Variants in ZNF69 observed in about 807,000 individuals in gnomAD.
ZNF69 encodes ZNF3.
In ZNF69, 47 loss-of-function variants were observed where a neutral mutation model predicts 50.9. The ratio of observed to expected loss-of-function variants is 0.92; its 90% CI spans 0.73 to 1.18. The LOEUF (loss-of-function observed/expected upper bound fraction) is 1.18, where lower values mean the gene tolerates loss of function less well. Among genes scored for constraint, ZNF69 ranks in the 50% most tolerant of loss-of-function variants. The probability of loss-of-function intolerance (pLI) is 0.00; values close to 1 mark genes in which losing one functional copy is unlikely to be tolerated. For missense variants in ZNF69, 717 were observed against 675.1 expected, an observed-to-expected ratio of 1.06 and a Z score of -0.69; for synonymous variants, 216 against 223.1, an observed-to-expected ratio of 0.97 and a Z score of 0.29.
the ZNF69 span, among the ~76,000 whole-genome samples, chr19:11,936,826 A>G: frequency 2.6e-4 from 39 of 152,302 alleles, 1 homozygote; most frequent in African/African-American, 8.7e-4. Flanking sequence ...TTTTAGGTCT[A>G]ACGTTTAAGT....
chr19:11,978,010 C>A, the ZNF69 span: 1 of 1,376,180 alleles, frequency 7.3e-7, no homozygotes, highest in Non-Finnish European at 9.9e-7. Flanking sequence ...TCAGCCAGGG[C>A]AGAAAGCCTA....
chr19:11,965,907 C>T, the ZNF69 span, among the ~76,000 whole-genome samples: 21 of 151,852 alleles, frequency 1.4e-4, no homozygotes, highest in Admixed American at 2.6e-4. Context: ...GCAGAAAGGG[C>T]GGGACCTGTG....
chr19:11,907,850 A>G (rs1407693149), downstream of ZNF69, among the ~76,000 whole-genome samples: 2 of 152,214 alleles, frequency 1.3e-5, no homozygotes, highest in Non-Finnish European at 2.9e-5. Flanking sequence ...AATGGGCTAA[A>G]TGCTCCAATT....
intron 1 of ZNF69, among the ~76,000 whole-genome samples, chr19:11,893,725 A>AG (rs879631456): frequency 2.6e-5 from 4 of 152,130 alleles, no homozygotes; most frequent in Non-Finnish European, 5.9e-5. Context: ...TTAGTGCCTT[A>AG]GGGGAGTGGG....
At chr19:11,942,847 T>C in the ZNF69 span, among the ~76,000 whole-genome samples, 22 of 152,206 alleles carry the variant, frequency 1.4e-4, no homozygotes, top group Non-Finnish European at 1.5e-4. Flanking sequence ...TTCCTTTAAC[T>C]TTTGCTTCCT....
chr19:11,897,845 C>G, intron 1 of ZNF69, among the ~76,000 whole-genome samples: 1 of 144,980 alleles, frequency 6.9e-6, no homozygotes, highest in East Asian at 2.0e-4. Context: ...GCACTCCAGC[C>G]TGGGTGAGAG....
chr19:11,926,418 G>C, the ZNF69 span, among the ~76,000 whole-genome samples: 6 of 152,110 alleles, frequency 3.9e-5, no homozygotes, highest in Non-Finnish European at 5.9e-5. Context: ...TTGAGACGGA[G>C]TCTCCTGTCG....
At chr19:11,889,309 ATG>A (rs914346267) in intron 1 of ZNF69, among the ~76,000 whole-genome samples, 92 of 152,252 alleles carry the variant, frequency 6.0e-4, no homozygotes, top group African/African-American at 2.1e-3. Flanking sequence ...TTTTACATGA[ATG>A]TGCGTCAGTT....
chr19:11,947,066 G>C, the ZNF69 span: 1 of 1,466,870 alleles, frequency 6.8e-7, no homozygotes, highest in Non-Finnish European at 9.1e-7. Flanking sequence ...GATAACCGAA[G>C]CAGGGAATAA....
In ZNF69 at chr19:11,903,948, C is replaced by T. The variant is rs776359636; in HGVS notation, c.234C>T (p.Asn78=). The T allele has an allele frequency of 6.2e-7, 1 of 1,613,806 alleles. No individual in the cohort carries two copies. Among genetic ancestry groups the T allele is most frequent in the Non-Finnish European group, 8.5e-7 (1 of 1,179,830 alleles). ...KDQNIEYEYQ[N]PRRNFRSLIE... is the part of the protein sequence containing the mutation. Reference sequence around the variant, plus strand: ...AGAACATTGAATATGAGTACCAAAACCCCAGGAGAAACTTCAGGTAATTTG... The same window carrying T: ...AGAACATTGAATATGAGTACCAAAATCCCAGGAGAAACTTCAGGTAATTTG... Residue 78 remains asparagine, a synonymous_variant, in exon 3 of 4, where the codon AAC becomes AAT. Coordinates refer to ENST00000429654, the MANE Select transcript of ZNF69 (RefSeq NM_001364730.1).
chr19:11,898,385 CT>C (rs745487579), intron 1 of ZNF69, among the ~76,000 whole-genome samples: 15,347 of 91,924 alleles, frequency 0.17, 319 homozygotes, highest in Non-Finnish European at 0.2. Flanking sequence ...TTCCTCCTGG[CT>C]TTTTTTTTTT....
the ZNF69 span, among the ~76,000 whole-genome samples, chr19:11,922,634 C>T: frequency 2.1e-5 from 3 of 145,602 alleles, no homozygotes; most frequent in Non-Finnish European, 3.0e-5. Context: ...GGGATGGTTT[C>T]ACCAGGGGCC....
the ZNF69 span, among the ~76,000 whole-genome samples, chr19:11,926,029 A>G: frequency 2.6e-5 from 4 of 152,262 alleles, no homozygotes; most frequent in African/African-American, 9.6e-5. Flanking sequence ...GGGATTCTGT[A>G]GGTGGCAGCT....
At chr19:11,911,694 T>G (rs1484821524), downstream of ZNF69, among the ~76,000 whole-genome samples, 6 of 151,830 alleles carry the variant, frequency 4.0e-5, no homozygotes, top group South Asian at 2.1e-4. Context: ...AGGGGAGAGA[T>G]AGCACTGGGA....
chr19:11,978,985 C>G, the ZNF69 span: 7 of 1,614,018 alleles, frequency 4.3e-6, no homozygotes, highest in East Asian at 1.3e-4. Flanking sequence ...TATCCCAGTT[C>G]CCTTCGTAGA....
chr19:11,896,974 T>C (rs1042541718), intron 1 of ZNF69, among the ~76,000 whole-genome samples: 1 of 152,154 alleles, frequency 6.6e-6, no homozygotes, highest in Non-Finnish European at 1.5e-5. Flanking sequence ...TATATTGATG[T>C]TTTTCAGTGT....
chr19:11,933,912 G>C, the ZNF69 span, among the ~76,000 whole-genome samples: 1 of 147,076 alleles, frequency 6.8e-6, no homozygotes, highest in Admixed American at 6.7e-5. Flanking sequence ...CCCAGCTCAG[G>C]TGATCCTCCC....
At chr19:11,888,572 G>T (rs944566368) in intron 1 of ZNF69, among the ~76,000 whole-genome samples, 1 of 152,146 alleles carries the variant, frequency 6.6e-6, no homozygotes, top group East Asian at 1.9e-4. Context: ...AAGTGGTCCC[G>T]AGGCGGCTCA....
At position 11,906,264 on chromosome 19, in the gene ZNF69, C is replaced by T. The variant is rs1056753794; in HGVS notation, c.*166C>T. 2.7e-6 allele frequency: 4 copies of T among 1,466,650 alleles called. No individual in the cohort carries two copies. The highest frequency in any genetic ancestry group is 2.8e-5 in the African/African-American group (2 of 70,566). 90.9% of individuals were successfully genotyped at this position (1,466,650 alleles called of 1,614,324 possible). ...TAAGAATGCATTCTGGATAGCTGAA[C>T]AAAAGGCAGCAGAAACTTCTGCAGA... On this transcript the variant is annotated 3_prime_UTR_variant, in exon 4 of 4. Transcript: ENST00000429654.
Sources: gnomAD v4.1 joint callset for allele counts (sites outside exome capture counted in the v4.1 genomes callset) on GRCh38, gnomAD v4.1.1 for gene constraint, MANE v1.5 for transcripts, NCBI Gene and HGNC (gene_info 2026-07-23, HGNC 2026-07-21) for gene names.